Variants in XKR6 observed in about 807,000 individuals in gnomAD.
XKR6 encodes XK-related protein 6.
A neutral mutation model predicts 56.7 loss-of-function variants in XKR6; 22 were observed. The observed-to-expected ratio is 0.39, with a 90% CI of 0.28 to 0.55. The LOEUF is 0.55. XKR6 is among the 20% of genes least tolerant of loss of function. XKR6 has a pLI of 0.66. For missense variants in XKR6, 852 were observed against 889.0 expected, an observed-to-expected ratio of 0.96 and a Z score of 0.53; for synonymous variants, 524 against 387.8, an observed-to-expected ratio of 1.35 and a Z score of -4.13.
At position 10,896,083 on chromosome 8, in the gene XKR6, T is replaced by TATA. The variant is rs71203359; in HGVS notation, c.*1868_*1869insTAT. 5.0e-5 allele frequency: 7 copies of TATA among 141,182 alleles called. No homozygotes were observed. Among genetic ancestry groups the TATA allele is most frequent in the Non-Finnish European group, 9.2e-5 (6 of 65,100 alleles). The allele number at this position is 141,182 out of a possible 1,614,324, so 8.7% of individuals were successfully genotyped here. The stretch of plus-strand genomic sequence containing the variant: ...ATTTACTTAAAAATATTGTGTGTGT[T>TATA]TATATATATATATATATATATACTT... On this transcript the variant is annotated 3_prime_UTR_variant, in exon 3 of 3. Transcript: ENST00000416569.
chr8:10,924,512 GGA>G, intron 2 of XKR6, 120 bp downstream of exon 2: 1 of 1,220,134 alleles, frequency 8.2e-7, no homozygotes, highest in Non-Finnish European at 1.1e-6. Context: ...GGCGTCCTGG[GGA>G]CTCAGGGCAG....
At chr8:11,117,127 A>G (rs1484707859) in intron 1 of XKR6, among the ~76,000 whole-genome samples, 1 of 152,218 alleles carries the variant, frequency 6.6e-6, no homozygotes, top group Non-Finnish European at 1.5e-5. Context: ...AGAACATTCA[A>G]CGTCAAAGAT....
chr8:10,912,447 G>GTATA (rs371843959), intron 2 of XKR6, among the ~76,000 whole-genome samples: 7 of 117,292 alleles, frequency 6.0e-5, no homozygotes, highest in East Asian at 2.6e-4. Context: ...ATAGGTGAGT[G>GTATA]TATATATATA....
intron 2 of XKR6, among the ~76,000 whole-genome samples, chr8:10,903,256 GC>G (rs1457888258): frequency 6.6e-6 from 1 of 152,156 alleles, no homozygotes; most frequent in Non-Finnish European, 1.5e-5. Context: ...AAGTCCTGCA[GC>G]CCCCACAGGA....
Position 11,201,383 on chromosome 8 carries a change from CG to C in XKR6, c.-45del, listed in dbSNP as rs553226221. On this transcript the variant is annotated 5_prime_UTR_variant, in exon 1 of 3. Coordinates refer to ENST00000416569, the MANE Select transcript of XKR6 (RefSeq NM_173683.4). ...TCCGGAGGTTGGGGGGGAGGGACGG[CG>C]GGGGGGGGGGGAAGAAGGCAGGGAA... 69,449 of 155,478 alleles carry C rather than the reference CG, an allele frequency of 0.45. 8,065 individuals carry two copies. Among genetic ancestry groups the C allele is most frequent in the African/African-American group, 0.57 (10,513 of 18,310 alleles). The allele number at this position is 155,478 out of a possible 1,614,324, so 9.6% of individuals were successfully genotyped here. A position where few individuals can be genotyped will look rare whatever the true frequency, so the allele number is the denominator to read the frequency against.
intron 1 of XKR6, among the ~76,000 whole-genome samples, chr8:11,093,978 G>T (rs1240257365): frequency 1.3e-5 from 2 of 151,756 alleles, no homozygotes; most frequent in Non-Finnish European, 2.9e-5. Flanking sequence ...AGAGATGGGG[G>T]TTTCACCGTG....
chr8:11,014,435 C>T lies in XKR6; in HGVS notation c.765-89605G>A, dbSNP rs548959535. ...TCCGTAAAGGCAGGAAAACCCCCTG[C>T]GGGCTCCCCAAGGACACTAATTACA... On this transcript the variant is annotated intron_variant, in intron 1 of 2. Transcript: ENST00000416569. 5.9e-5 allele frequency among the ~76,000 whole-genome samples: 9 copies of T among 152,316 alleles called. No homozygotes were observed. The South Asian group carries it at 1.0e-3, about 18-fold the overall frequency.
chr8:11,118,032 T>G (rs1799265013), intron 1 of XKR6, among the ~76,000 whole-genome samples: 1 of 152,176 alleles, frequency 6.6e-6, no homozygotes, highest in African/African-American at 2.4e-5. Flanking sequence ...TTTTGAAGAA[T>G]AATGACGTTA....
chr8:11,048,910 T>C lies in XKR6; in HGVS notation c.765-124080A>G, dbSNP rs141484100. ...CACTCGCTCCAGCCGGCCCCGCCTG[T>C]CTGTCAATTAAGTGGGCTTGGCTGG... is the stretch of plus-strand genomic sequence containing the variant. On this transcript the variant is annotated intron_variant, in intron 1 of 2. Coordinates refer to ENST00000416569, the MANE Select transcript of XKR6 (RefSeq NM_173683.4). Among the ~76,000 whole-genome samples, 64 of 152,310 alleles carry C rather than the reference T, an allele frequency of 4.2e-4. 1 individual carries two copies. Among genetic ancestry groups the C allele is most frequent in the South Asian group, 2.1e-3 (10 of 4,828 alleles).
intron 1 of XKR6, among the ~76,000 whole-genome samples, chr8:11,111,296 G>C (rs988302004): frequency 2.0e-5 from 3 of 152,078 alleles, no homozygotes; most frequent in African/African-American, 7.2e-5. Context: ...GGAGGTGGCG[G>C]CTGGAGGGCA....
At chr8:11,099,972 G>T (rs559640487) in intron 1 of XKR6, among the ~76,000 whole-genome samples, 2 of 152,330 alleles carry the variant, frequency 1.3e-5, no homozygotes, top group East Asian at 3.9e-4. Flanking sequence ...GAGGCACGGG[G>T]GAGTAGGGCA....
At position 11,050,334 on chromosome 8, in the gene XKR6, G is replaced by C. The variant is rs907031899; in HGVS notation, c.765-125504C>G. Among the ~76,000 whole-genome samples the C allele has an allele frequency of 2.0e-5, 3 of 151,514 alleles. No homozygotes were observed. The Admixed American group carries it at 2.0e-4, about 10-fold the overall frequency. On this transcript the variant is annotated intron_variant, in intron 1 of 2. Transcript: ENST00000416569. ...ATTCACATTAAGTCCTGGTTGGAGCGAGTCACTTCGTCCCTCCAAGCCCCA... is the reference window on the plus strand; with the variant it reads ...ATTCACATTAAGTCCTGGTTGGAGCCAGTCACTTCGTCCCTCCAAGCCCCA...
intron 1 of XKR6, chr8:11,124,051 C>G (rs986227325): frequency 2.2e-6 from 1 of 455,430 alleles, no homozygotes; most frequent in Non-Finnish European, 4.4e-6. Flanking sequence ...CCCTCCTGTC[C>G]TGCTTGAGCT....
At chr8:11,108,569 AC>A in intron 1 of XKR6, 1 of 340,988 alleles carries the variant, frequency 2.9e-6, no homozygotes, top group Non-Finnish European at 5.7e-6. Context: ...AGTGCCTTGG[AC>A]TCTATTTCTA....
At chr8:11,116,638 T>C (rs1013260026) in intron 1 of XKR6, among the ~76,000 whole-genome samples, 2 of 152,126 alleles carry the variant, frequency 1.3e-5, no homozygotes, top group African/African-American at 2.4e-5. Context: ...CCCAAAGTGC[T>C]GGGATTACAG....
intron 1 of XKR6, among the ~76,000 whole-genome samples, chr8:11,076,480 C>T (rs983145396): frequency 4.6e-5 from 7 of 152,166 alleles, no homozygotes; most frequent in Admixed American, 6.5e-5. Flanking sequence ...GGAGCAGTGA[C>T]GCCATGAGGC....
At chr8:10,969,214 CACTTTGAGAA>C (rs1327345953) in intron 1 of XKR6, among the ~76,000 whole-genome samples, 10 of 152,160 alleles carry the variant, frequency 6.6e-5, no homozygotes, top group Non-Finnish European at 1.3e-4. Context: ...TCTTAGCTGC[CACTTTGAGAA>C]ACTCCAACTT....
chr8:11,116,088 C>T (rs987701705), intron 1 of XKR6, among the ~76,000 whole-genome samples: 3 of 152,110 alleles, frequency 2.0e-5, no homozygotes, highest in Non-Finnish European at 2.9e-5. Flanking sequence ...CACGGATGTT[C>T]GTAAGATGAT....
intron 1 of XKR6, among the ~76,000 whole-genome samples, chr8:11,045,880 G>C (rs1799399470): frequency 1.3e-5 from 2 of 152,178 alleles, no homozygotes; most frequent in African/African-American, 4.8e-5. Flanking sequence ...AAAAAGAAAA[G>C]AGACAATAGC....
Sources: allele counts gnomAD v4.1 joint callset (sites outside exome capture counted in the v4.1 genomes callset), GRCh38; gene constraint gnomAD v4.1.1; transcripts MANE v1.5; gene names NCBI Gene and HGNC (gene_info 2026-07-23, HGNC 2026-07-21).